RAPGEF5: variants seen among roughly 807,000 people sequenced by gnomAD.
The protein encoded by RAPGEF5 is Rap guanine nucleotide exchange factor 5, also known as M-Ras-regulated GEF.
In RAPGEF5, 65 loss-of-function variants were observed where a neutral mutation model predicts 125.2. The ratio of observed to expected loss-of-function variants is 0.52; its 90% CI spans 0.43 to 0.64. The LOEUF (loss-of-function observed/expected upper bound fraction) is 0.64. Among genes scored for constraint, RAPGEF5 ranks in the 30% least tolerant of loss-of-function variants. The pLI, the probability that RAPGEF5 is intolerant of heterozygous loss-of-function variation, is 0.00. For missense variants in RAPGEF5, 958 were observed against 1,048.1 expected, an observed-to-expected ratio of 0.91 and a Z score of 1.19; for synonymous variants, 391 against 385.9, an observed-to-expected ratio of 1.01 and a Z score of -0.16.
intron 25 of RAPGEF5, chr7:22,125,345 T>C (rs1782703627): frequency 5.4e-6 from 2 of 373,194 alleles, no homozygotes; most frequent in Non-Finnish European, 1.0e-5. Context: ...AGGAGGTTTC[T>C]GAGTGTGTAA....
intron 1 of RAPGEF5, chr7:22,356,015 GAGTA>G: frequency 1.0e-6 from 1 of 985,452 alleles, no homozygotes; most frequent in African/African-American, 1.7e-5. Flanking sequence ...AGGGAAATCT[GAGTA>G]AGTCAGCTCT....
chr7:22,350,376 A>G (rs1352046089), intron 1 of RAPGEF5, among the ~76,000 whole-genome samples: 12 of 152,256 alleles, frequency 7.9e-5, no homozygotes, highest in Admixed American at 7.8e-4. Flanking sequence ...AGAATCCAAC[A>G]TTGCATATGA....
rs544657568 is a variant in RAPGEF5 at position 22,122,265 on chromosome 7, T to C, written c.*141A>G. On this transcript the variant is annotated 3_prime_UTR_variant, in exon 26 of 26. Transcript: ENST00000665637. ...GCTGACATCACTTCCTGAACACGCT[T>C]TGGCTGGCTTTCCTGTGAATGTCTT... 3.4e-5 allele frequency: 22 copies of C among 650,414 alleles called. No homozygotes were observed. The South Asian group carries it at 4.4e-4, about 13-fold the overall frequency. 40.3% of individuals were successfully genotyped at this position (650,414 alleles called of 1,614,324 possible). A position where few individuals can be genotyped will look rare whatever the true frequency, so the allele number is the denominator to read the frequency against.
At chr7:22,137,654 C>A (rs1185889972) in intron 21 of RAPGEF5, among the ~76,000 whole-genome samples, 1 of 152,180 alleles carries the variant, frequency 6.6e-6, no homozygotes, top group East Asian at 1.9e-4. Flanking sequence ...GTAAACAGCA[C>A]ATATTTAAAG....
At chr7:22,349,855 G>T in intron 1 of RAPGEF5, among the ~76,000 whole-genome samples, 1 of 152,186 alleles carries the variant, frequency 6.6e-6, no homozygotes, top group East Asian at 1.9e-4. Context: ...CCATGGGAAA[G>T]CTTTTAACCT....
At chr7:22,309,180 C>A (rs912164625) in intron 4 of RAPGEF5, among the ~76,000 whole-genome samples, 1 of 152,208 alleles carries the variant, frequency 6.6e-6, no homozygotes, top group Non-Finnish European at 1.5e-5. Flanking sequence ...AAGCCTGAAA[C>A]TATCAAGTAT....
At chr7:22,147,388 G>T (rs1783478098) in intron 18 of RAPGEF5, among the ~76,000 whole-genome samples, 1 of 152,254 alleles carries the variant, frequency 6.6e-6, no homozygotes, top group East Asian at 1.9e-4. Flanking sequence ...GTGCCGGCAG[G>T]GTTAGCATAA....
At chr7:22,123,623 T>C (rs146449844) in intron 25 of RAPGEF5, among the ~76,000 whole-genome samples, 5 of 152,314 alleles carry the variant, frequency 3.3e-5, no homozygotes, top group African/African-American at 7.2e-5. Flanking sequence ...CTGTATGACA[T>C]GGGTGGCTTA....
chr7:22,133,308 A>G (rs1782973686), intron 23 of RAPGEF5, among the ~76,000 whole-genome samples: 1 of 152,178 alleles, frequency 6.6e-6, no homozygotes, highest in Non-Finnish European at 1.5e-5. Flanking sequence ...GAAGAGTTCA[A>G]CTGGCTACAG....
At chr7:22,162,974 C>T (rs1755498870) in intron 12 of RAPGEF5, 1 of 457,268 alleles carries the variant, frequency 2.2e-6, no homozygotes. Context: ...TTCTGTAAAA[C>T]CAGGTGCTTC....
At chr7:22,326,617 T>G (rs1220331651) in intron 1 of RAPGEF5, among the ~76,000 whole-genome samples, 1 of 152,204 alleles carries the variant, frequency 6.6e-6, no homozygotes, top group Non-Finnish European at 1.5e-5. Context: ...CAAAATTATC[T>G]CCCATTGCAA....
intron 7 of RAPGEF5, among the ~76,000 whole-genome samples, chr7:22,244,087 G>T (rs1335390313): frequency 1.3e-5 from 2 of 152,046 alleles, no homozygotes; most frequent in Non-Finnish European, 2.9e-5. Flanking sequence ...TTAGCAAAAT[G>T]TCCTCCAAGT....
At chr7:22,289,278 C>G (rs1441249322) in intron 6 of RAPGEF5, among the ~76,000 whole-genome samples, 4 of 152,148 alleles carry the variant, frequency 2.6e-5, no homozygotes, top group Non-Finnish European at 5.9e-5. Context: ...ATCCCAATAA[C>G]TACATTACAT....
intron 1 of RAPGEF5, among the ~76,000 whole-genome samples, chr7:22,338,505 T>C (rs56392802): frequency 0.22 from 33,917 of 152,192 alleles, 4,102 homozygotes; most frequent in South Asian, 0.28. Context: ...CCACTGGACT[T>C]TGAGTAGCTA....
chr7:22,164,510 T>C (rs9886139), intron 12 of RAPGEF5, among the ~76,000 whole-genome samples: 12,172 of 152,286 alleles, frequency 0.08, 540 homozygotes, highest in Middle Eastern at 0.14. Flanking sequence ...ATATGTTCTA[T>C]GATTATGGAC....
At chr7:22,153,394 C>T (rs2128108127) in intron 17 of RAPGEF5, among the ~76,000 whole-genome samples, 1 of 152,162 alleles carries the variant, frequency 6.6e-6, no homozygotes, top group Non-Finnish European at 1.5e-5. Flanking sequence ...GTCATTTAGG[C>T]CATATGTTTC....
chr7:22,317,930 A>T, intron 2 of RAPGEF5, 57 bp downstream of exon 2: 2 of 1,542,200 alleles, frequency 1.3e-6, no homozygotes, highest in South Asian at 2.4e-5. Context: ...ATAATTGTAC[A>T]TCAGAATTTG....
At chr7:22,153,479 T>C (rs986355093) in intron 17 of RAPGEF5, among the ~76,000 whole-genome samples, 2 of 152,164 alleles carry the variant, frequency 1.3e-5, no homozygotes, top group African/African-American at 4.8e-5. Flanking sequence ...GGGATTCTTA[T>C]GTATTAGGCC....
chr7:22,175,881 T>C (rs1223835783), intron 11 of RAPGEF5, among the ~76,000 whole-genome samples: 1 of 152,254 alleles, frequency 6.6e-6, no homozygotes, highest in Non-Finnish European at 1.5e-5. Flanking sequence ...TATGAACTTT[T>C]TTCAAAACCT....
Sources: gnomAD v4.1 joint callset for allele counts (sites outside exome capture counted in the v4.1 genomes callset) on GRCh38, gnomAD v4.1.1 for gene constraint, MANE v1.5 for transcripts, NCBI Gene and HGNC (gene_info 2026-07-23, HGNC 2026-07-21) for gene names.